TRAPPC11: variants seen among roughly 807,000 people sequenced by gnomAD.
TRAPPC11 encodes the protein foie gras homolog.
Under a neutral mutation model 151.2 loss-of-function variants are expected in TRAPPC11, and 104 were observed. The ratio of observed to expected loss-of-function variants is 0.69; its 90% CI spans 0.59 to 0.81. The LOEUF is 0.81. Ranked by LOEUF, TRAPPC11 falls within the 30% of genes least tolerant of loss-of-function variation. The pLI, the probability that TRAPPC11 is intolerant of heterozygous loss-of-function variation, is 0.00. For synonymous variants in TRAPPC11, 456 were observed against 472.3 expected (o/e 0.97, Z 0.45); for missense variants, 1,230 against 1,349.6 (o/e 0.91, Z 1.39).
At chr4:183,669,203 A>G (rs957346942) in intron 5 of TRAPPC11, among the ~76,000 whole-genome samples, 6 of 152,258 alleles carry the variant, frequency 3.9e-5, no homozygotes, top group African/African-American at 1.4e-4. Flanking sequence ...AATCAAGTCC[A>G]TGGTGCCCAG....
Position 183,680,136 on chromosome 4 carries a change from G to T in TRAPPC11, c.982G>T (p.Asp328Tyr). 2 of 1,612,538 alleles carry T rather than the reference G, an allele frequency of 1.2e-6. No homozygotes were observed. Among genetic ancestry groups the T allele is most frequent in the South Asian group, 1.1e-5 (1 of 90,572 alleles). The change falls in exon 10 of 30, where the codon GAT becomes TAT. Residue 328 changes from aspartate to tyrosine, a missense_variant. Physicochemically the swap from Asp to Tyr is radical, Grantham distance 160. Transcript: ENST00000334690. ...TTCTTTAAGATTCCAGGCCTTTGGA[G>T]ATTTATTTGATGAAGCTATTAAGTT... The part of the protein sequence containing the change: ...WMSKQFQAFG[D>Y]LFDEAIKLGL...
rs1338902000 is a variant in TRAPPC11 at position 183,712,939 on chromosome 4, A to T, written c.*295A>T. 2.8e-6 allele frequency: 1 copy of T among 360,140 alleles called. No homozygotes were observed. The highest frequency in any genetic ancestry group is 6.0e-5 in the South Asian group (1 of 16,682). 22.3% of individuals were successfully genotyped at this position (360,140 alleles called of 1,614,324 possible). A position where few individuals can be genotyped will look rare whatever the true frequency, so the allele number is the denominator to read the frequency against. On this transcript the variant is annotated 3_prime_UTR_variant, in exon 30 of 30. Coordinates refer to ENST00000334690, the MANE Select transcript of TRAPPC11 (RefSeq NM_021942.6). ...ATTCTATGAAAAGTAAGTGATTTGC[A>T]TGTATAATATCAGGAAAATTAAGCA... is the stretch of plus-strand genomic sequence containing the variant.
In TRAPPC11 at chr4:183,667,098, T is replaced by C; in HGVS notation, c.413T>C (p.Val138Ala). Residue 138 changes from valine to alanine, a missense_variant, in exon 4 of 30, where the codon GTT becomes GCT. Physicochemically the swap from Val to Ala is moderately conservative, Grantham distance 64. Transcript: ENST00000334690. ...GGAAGAAACACAAAAGTTGCAGTGGTTCTGATTCAGAAGAAAACCCCTTTG... is the reference window on the plus strand; with the variant it reads ...GGAAGAAACACAAAAGTTGCAGTGGCTCTGATTCAGAAGAAAACCCCTTTG... ...LQGRNTKVAV[V>A]LIQKKTPLPP... 1 of 1,605,406 alleles carries C rather than the reference T, an allele frequency of 6.2e-7. No individual in the cohort carries two copies. Among genetic ancestry groups the C allele is most frequent in the Non-Finnish European group, 8.5e-7 (1 of 1,174,334 alleles).
intron 5 of TRAPPC11, among the ~76,000 whole-genome samples, chr4:183,670,305 T>C (rs539932677): frequency 3.0e-4 from 46 of 152,338 alleles, no homozygotes; most frequent in Admixed American, 9.8e-4. Flanking sequence ...TCTTTTGTAT[T>C]GGAGAAGTTT....
rs1346731889 is a variant in TRAPPC11, at chr4:183,697,839, A to G, written c.2851+4A>G. The G allele has an allele frequency of 1.2e-6, 2 of 1,612,204 alleles. No individual in the cohort carries two copies. Among genetic ancestry groups the G allele is most frequent in the Admixed American group, 1.7e-5 (1 of 59,802 alleles). On this transcript the variant is annotated splice_donor_region_variant and intron_variant, in intron 25 of 29. Coordinates refer to ENST00000334690, the MANE Select transcript of TRAPPC11 (RefSeq NM_021942.6). ...CTCGAGTCTCAAGTGGACAATGGTG[A>G]GTCTGGTTCATTCCCACTTAAAGAC...
intron 27 of TRAPPC11, chr4:183,705,900 TA>T (rs1283840767): frequency 2.0e-5 from 3 of 152,322 alleles, no homozygotes; most frequent in Admixed American, 6.5e-5. Context: ...TTGGTTATCC[TA>T]ATGTCTATAA....
intron 25 of TRAPPC11, among the ~76,000 whole-genome samples, chr4:183,699,833 G>GT (rs928583640): frequency 0.014 from 2,040 of 144,438 alleles, 34 homozygotes; most frequent in African/African-American, 0.043. Context: ...ATGTTAATTG[G>GT]TTTTTTTTTT....
intron 10 of TRAPPC11, among the ~76,000 whole-genome samples, chr4:183,681,735 G>A (rs58899095): frequency 0.023 from 3,537 of 151,074 alleles, 145 homozygotes; most frequent in African/African-American, 0.082. Context: ...AGCCGAGATC[G>A]TGCCAGTGCA....
rs747047559 is a variant in TRAPPC11 at position 183,663,922 on chromosome 4, T to A, written c.55T>A (p.Phe19Ile). Residue 19 changes from phenylalanine (F) to isoleucine (I), a missense_variant, in exon 2 of 30, where the codon TTT becomes ATT. Phe to Ile is a conservative substitution (Grantham distance 21). Transcript: ENST00000334690. ...PVELCCRPMAFVTLTGLDVVY... is the reference protein window; with the variant it reads ...PVELCCRPMAIVTLTGLDVVY... ...GGAATTATGTTGCCGGCCTATGGCC[T>A]TTGTTACTCTAACGGGCCTGGATGT... 1.2e-6 allele frequency: 2 copies of A among 1,614,216 alleles called. No individual in the cohort carries two copies. The highest frequency in any genetic ancestry group is 1.7e-6 in the Non-Finnish European group (2 of 1,180,040).
Position 183,679,401 on chromosome 4 carries a change from C to G in TRAPPC11, c.880C>G (p.Gln294Glu). 6.2e-7 allele frequency: 1 copy of G among 1,612,876 alleles called. No individual in the cohort carries two copies. Among genetic ancestry groups the G allele is most frequent in the Admixed American group, 1.7e-5 (1 of 59,832 alleles). Reference protein sequence around the residue: ...QHNTPLDAIAQFRKHIDLCKK... With the variant: ...QHNTPLDAIAEFRKHIDLCKK... ...CAACACCCCATTGGATGCAATTGCT[C>G]AGTTCCGAAAACACATCGACTTGTG... Residue 294 changes from glutamine (Q) to glutamate (E), a missense_variant, in exon 9 of 30, where the codon CAG becomes GAG. By Grantham distance (29) the Gln-to-Glu change is conservative. Transcript: ENST00000334690.
In TRAPPC11 at chr4:183,684,637, G is replaced by T; in HGVS notation, c.1422-59G>T. The T allele has an allele frequency of 3.2e-6, 5 of 1,560,094 alleles. No homozygotes were observed. The South Asian group carries it at 3.5e-5, about 11-fold the overall frequency. ...ATGAGGAAAGTATTTTTTTCTCCAT[G>T]AACTCTTCGAACCCTTTCTTGTGAA... On this transcript the variant is annotated intron_variant, in intron 14 of 29. Coordinates refer to ENST00000334690, the MANE Select transcript of TRAPPC11 (RefSeq NM_021942.6).
intron 2 of TRAPPC11, among the ~76,000 whole-genome samples, chr4:183,664,511 C>A (rs1734741300): frequency 6.6e-6 from 1 of 152,146 alleles, no homozygotes; most frequent in Non-Finnish European, 1.5e-5. Flanking sequence ...TTAAGTGAGA[C>A]AGGTTCCCTA....
At chr4:183,707,425 A>G (rs890259292) in intron 28 of TRAPPC11, among the ~76,000 whole-genome samples, 1 of 152,068 alleles carries the variant, frequency 6.6e-6, no homozygotes, top group Admixed American at 6.6e-5. Context: ...AATTATCTAG[A>G]TTTTTTTATT....
chr4:183,686,565 T>C, intron 17 of TRAPPC11, 53 bp from the exon 18 acceptor site: 1 of 1,594,634 alleles, frequency 6.3e-7, no homozygotes. Flanking sequence ...AGGATGTGTG[T>C]GGGTCGTGGG....
At chr4:183,682,648 T>G (rs1414102958) in intron 10 of TRAPPC11, 84 bp from the exon 11 acceptor site, 4 of 715,572 alleles carry the variant, frequency 5.6e-6, no homozygotes, top group Non-Finnish European at 8.7e-6. Flanking sequence ...TATGAAAACT[T>G]TTTTGTTCAG....
intron 2 of TRAPPC11, 93 bp from the exon 3 acceptor site, chr4:183,666,164 A>T: frequency 8.6e-7 from 1 of 1,165,938 alleles, no homozygotes; most frequent in Non-Finnish European, 1.2e-6. Flanking sequence ...GTGTATATTG[A>T]ATGAGATCAA....
chr4:183,664,914 C>T (rs1235089598), intron 2 of TRAPPC11, among the ~76,000 whole-genome samples: 2 of 151,780 alleles, frequency 1.3e-5, no homozygotes, highest in Non-Finnish European at 2.9e-5. Flanking sequence ...TAGATTGCAG[C>T]CCTCCTCTTT....
At chr4:183,681,556 A>G (rs9993520) in intron 10 of TRAPPC11, among the ~76,000 whole-genome samples, 74,653 of 151,856 alleles carry the variant, frequency 0.49, 18,954 homozygotes, top group African/African-American at 0.62. Context: ...TGAGGTGGGC[A>G]GATCACAAGG....
At chr4:183,684,477 T>C in intron 14 of TRAPPC11, 118 bp downstream of exon 14, 6 of 1,092,200 alleles carry the variant, frequency 5.5e-6, no homozygotes, top group Non-Finnish European at 7.9e-6. Flanking sequence ...GTTGTTAAAC[T>C]CCATTTCTGT....
Sources: allele counts gnomAD v4.1 joint callset (sites outside exome capture counted in the v4.1 genomes callset), GRCh38; gene constraint gnomAD v4.1.1; transcripts MANE v1.5; gene names NCBI Gene and HGNC (gene_info 2026-07-23, HGNC 2026-07-21).